The following MMP25 variants were observed in gnomAD, a reference collection of about 807,000 sequenced individuals.
MMP25 encodes matrix metallopeptidase 25.
A neutral mutation model predicts 62.1 loss-of-function variants in MMP25; 68 were observed. That is an observed-to-expected ratio of 1.10 (90% confidence interval 0.90 to 1.34). The LOEUF (loss-of-function observed/expected upper bound fraction) is 1.34, where lower values mean the gene tolerates loss of function less well. MMP25 is among the 40% of genes most tolerant of loss of function. MMP25 has a pLI of 0.00. For synonymous variants in MMP25, 407 were observed against 345.6 expected, an observed-to-expected ratio of 1.18 and a Z score of -1.97; for missense variants, 942 against 792.5, an observed-to-expected ratio of 1.19 and a Z score of -2.26.
rs781130215 is a variant in MMP25 at position 3,050,251 on chromosome 16, C to G, written c.369-3C>G. On this transcript the variant is annotated splice_region_variant and splice_polypyrimidine_tract_variant and intron_variant, in intron 3 of 9. Coordinates refer to ENST00000336577, the MANE Select transcript of MMP25 (RefSeq NM_022468.5). ...CCCTTACACCTCACTCCCCTCTCCC[C>G]AGGGTACGTTCCTTCCCCCAGAGCT... is the stretch of plus-strand genomic sequence containing the variant. 1 of 1,588,596 alleles carries G rather than the reference C, an allele frequency of 6.3e-7. No individual in the cohort carries two copies. The highest frequency in any genetic ancestry group is 1.3e-5 in the African/African-American group (1 of 74,506).
intron 4 of MMP25, chr16:3,054,894 T>G (rs939416683): frequency 6.5e-6 from 1 of 154,922 alleles, no homozygotes; most frequent in Non-Finnish European, 1.4e-5. Flanking sequence ...CAGATGATGG[T>G]AGGTTGTTCT....
chr16:3,052,128 A>T (rs1035186230), intron 4 of MMP25: 2 of 147,772 alleles, frequency 1.4e-5, no homozygotes, highest in Admixed American at 6.8e-5. Flanking sequence ...CTCCATCTCA[A>T]ATATATATAT....
Position 3,046,972 on chromosome 16 carries a change from G to A in MMP25, c.55G>A (p.Ala19Thr). 2 of 1,471,520 alleles carry A rather than the reference G, an allele frequency of 1.4e-6. No homozygotes were observed. Among genetic ancestry groups the A allele is most frequent in the Non-Finnish European group, 1.8e-6 (2 of 1,119,308 alleles). 91.2% of individuals were successfully genotyped at this position (1,471,520 alleles called of 1,614,324 possible). Residue 19 changes from alanine to threonine, a missense_variant, in exon 1 of 10, where the codon GCG becomes ACG. Transcript: ENST00000336577. ...GCTGCTTCTGCTGCTGGCACCGCCC[G>A]CGCGCGCCCCGAAGCCCTCGGCGCA... ...ALLLLLLAPPARAPKPSAQDV... is the reference protein window; with the variant it reads ...ALLLLLLAPPTRAPKPSAQDV...
At chr16:3,058,099 C>T (rs1226524820) in intron 7 of MMP25, 82 bp from the exon 8 acceptor site, 23 of 1,525,572 alleles carry the variant, frequency 1.5e-5, no homozygotes, top group Non-Finnish European at 1.2e-5. Context: ...AGATGGGACC[C>T]CTCCCCACCC....
At chr16:3,058,094 G>A in intron 7 of MMP25, 87 bp from the exon 8 acceptor site, 1 of 1,500,848 alleles carries the variant, frequency 6.7e-7, no homozygotes, top group Non-Finnish European at 9.0e-7. Flanking sequence ...TTTCCAGATG[G>A]GACCCCTCCC....
At chr16:3,049,396 A>G (rs188967695) in intron 2 of MMP25, among the ~76,000 whole-genome samples, 48 of 152,314 alleles carry the variant, frequency 3.2e-4, no homozygotes, top group Non-Finnish European at 5.6e-4. Context: ...AGCCTAGAAC[A>G]GTGTCTGGCA....
chr16:3,057,733 T>A (rs898645797), intron 7 of MMP25, 120 bp downstream of exon 7: 30 of 929,726 alleles, frequency 3.2e-5, no homozygotes, highest in Admixed American at 7.1e-5. Context: ...GGGTCTTGCT[T>A]TGTTGCCTGG....
chr16:3,059,053 G>T lies in MMP25; in HGVS notation c.1644G>T (p.Pro548=), dbSNP rs1454592112. 3 of 1,551,186 alleles carry T rather than the reference G, an allele frequency of 1.9e-6. No homozygotes were observed. Among genetic ancestry groups the T allele is most frequent in the Non-Finnish European group, 2.6e-6 (3 of 1,147,042 alleles). ...QAAGRWPAPI[P]LLLLPLLVGG... ...CAGGACGTTGGCCTGCTCCCATCCC[G>T]CTGCTCCTCTTGCCCCTGCTGGTGG... The change falls in exon 10 of 10, where the codon CCG becomes CCT. Residue 548 remains proline, a synonymous_variant. Transcript: ENST00000336577.
intron 4 of MMP25, among the ~76,000 whole-genome samples, chr16:3,050,834 C>T (rs565861694): frequency 6.6e-6 from 1 of 152,264 alleles, no homozygotes; most frequent in South Asian, 2.1e-4. Flanking sequence ...TTATCTTGCT[C>T]AGGCTGGAGT....
rs1050570573 is a variant in MMP25 at position 3,059,340 on chromosome 16, T to C, written c.*242T>C. ...CCGGCGCTGCCACCGGAACCCGCCTTCAGGGGCGCACGCGCGCTGGGACCA... is the reference window on the plus strand; with the variant it reads ...CCGGCGCTGCCACCGGAACCCGCCTCCAGGGGCGCACGCGCGCTGGGACCA... On this transcript the variant is annotated 3_prime_UTR_variant, in exon 10 of 10. Coordinates refer to ENST00000336577, the MANE Select transcript of MMP25 (RefSeq NM_022468.5). 2 of 401,370 alleles carry C rather than the reference T, an allele frequency of 5.0e-6. No homozygotes were observed. The highest frequency in any genetic ancestry group is 4.5e-5 in the Admixed American group (1 of 22,266). 24.9% of individuals were successfully genotyped at this position (401,370 alleles called of 1,614,324 possible). A position where few individuals can be genotyped will look rare whatever the true frequency, so the allele number is the denominator to read the frequency against.
chr16:3,053,327 C>G (rs1419134780), intron 4 of MMP25: 1 of 149,582 alleles, frequency 6.7e-6, no homozygotes, highest in Non-Finnish European at 1.5e-5. Flanking sequence ...AAGTGAGACC[C>G]TGTCACACAC....
Position 3,058,569 on chromosome 16 carries a change from C to A in MMP25, c.1317C>A (p.Tyr439Ter), listed in dbSNP as rs950404219. ...TCCGCGGCCGGCAGTACTGGCGCTA[C>A]GACGAGGCGGCGGCGCGCCCGGACC... ...YLVRGRQYWR[Y>*]DEAAARPDPG... The change falls in exon 9 of 10, where the codon TAC becomes TAA. Residue 439 changes from tyrosine (Y) to a stop codon, truncating the protein, a stop_gained. Transcript: ENST00000336577. LOFTEE classifies it high-confidence loss of function. 3 of 1,610,240 alleles carry A rather than the reference C, an allele frequency of 1.9e-6. No homozygotes were observed. The highest frequency in any genetic ancestry group is 2.7e-5 in the African/African-American group (2 of 74,940).
chr16:3,052,353 G>T (rs1203414895), intron 4 of MMP25: 2 of 152,250 alleles, frequency 1.3e-5, no homozygotes, highest in East Asian at 3.8e-4. Flanking sequence ...GGAGACTGCA[G>T]AAGGCGGCAG....
chr16:3,055,786 C>T (rs985466723), intron 4 of MMP25: 2 of 454,110 alleles, frequency 4.4e-6, no homozygotes, highest in African/African-American at 2.0e-5. Context: ...ACTGGGGCCT[C>T]CCTGTGGTGC....
chr16:3,059,087 G>T lies in MMP25; in HGVS notation c.1678G>T (p.Ala560Ser). Residue 560 changes from alanine (A) to serine (S), a missense_variant, in exon 10 of 10, where the codon GCC becomes TCC. Ala to Ser is a moderately conservative substitution (Grantham distance 99, BLOSUM62 1). Coordinates refer to ENST00000336577, the MANE Select transcript of MMP25 (RefSeq NM_022468.5). ...LLLPLLVGGVASR is the reference protein window; with the variant it reads ...LLLPLLVGGVSSR Reference sequence around the variant, plus strand: ...CTTGCCCCTGCTGGTGGGGGGTGTAGCCTCCCGCTGATGGGGGGAGCCATC... The same window carrying T: ...CTTGCCCCTGCTGGTGGGGGGTGTATCCTCCCGCTGATGGGGGGAGCCATC... The T allele has an allele frequency of 6.5e-7, 1 of 1,543,324 alleles. No homozygotes were observed. The highest frequency in any genetic ancestry group is 2.0e-5 in the Admixed American group (1 of 50,598).
chr16:3,053,450 G>A (rs1446675872), intron 4 of MMP25: 1 of 152,256 alleles, frequency 6.6e-6, no homozygotes, highest in Non-Finnish European at 1.5e-5. Flanking sequence ...CCTGAGAAAT[G>A]CGAGGAGAAC....
At chr16:3,053,326 C>T (rs916787025) in intron 4 of MMP25, 2 of 149,382 alleles carry the variant, frequency 1.3e-5, no homozygotes, top group African/African-American at 4.9e-5. Context: ...AAAGTGAGAC[C>T]CTGTCACACA....
At chr16:3,052,131 A>G (rs1384838669) in intron 4 of MMP25, 1 of 71,944 alleles carries the variant, frequency 1.4e-5, no homozygotes, top group Non-Finnish European at 2.8e-5. Context: ...CATCTCAAAT[A>G]TATATATATA....
chr16:3,047,356 G>A, intron 1 of MMP25, 59 bp from the exon 2 acceptor site: 1 of 1,561,670 alleles, frequency 6.4e-7, no homozygotes. Context: ...ATGGTGGTGG[G>A]CAGAGAGAGC....
Sources: gnomAD v4.1 joint callset for allele counts (sites outside exome capture counted in the v4.1 genomes callset) on GRCh38, gnomAD v4.1.1 for gene constraint, MANE v1.5 for transcripts, NCBI Gene and HGNC (gene_info 2026-07-23, HGNC 2026-07-21) for gene names.